The following SND1 variants were observed in gnomAD, a reference collection of about 807,000 sequenced individuals.
The protein encoded by SND1 is staphylococcal nuclease and tudor domain containing 1.
A neutral mutation model predicts 121.7 loss-of-function variants in SND1; 38 were observed. The observed-to-expected ratio is 0.31, with a 90% CI of 0.24 to 0.41. The LOEUF (loss-of-function observed/expected upper bound fraction) is 0.41. Ranked by LOEUF, SND1 falls within the 10% of genes least tolerant of loss-of-function variation. The pLI is 1.00. For synonymous variants in SND1, 401 were observed against 447.4 expected, an observed-to-expected ratio of 0.90 and a Z score of 1.31; for missense variants, 868 against 1,184.6, an observed-to-expected ratio of 0.73 and a Z score of 3.92.
At chr7:128,008,917 G>C (rs954477137) in intron 16 of SND1, among the ~76,000 whole-genome samples, 3 of 152,136 alleles carry the variant, frequency 2.0e-5, no homozygotes, top group African/African-American at 7.2e-5. Flanking sequence ...ACATAGACAT[G>C]AGGGCTATAT....
chr7:127,856,755 G>A (rs1043016518), intron 12 of SND1, among the ~76,000 whole-genome samples: 1 of 152,122 alleles, frequency 6.6e-6, no homozygotes, highest in African/African-American at 2.4e-5. Context: ...CAGTAGCAAT[G>A]GGAACTATAT....
chr7:127,942,803 C>A (rs1212450146), intron 15 of SND1, among the ~76,000 whole-genome samples: 1 of 152,178 alleles, frequency 6.6e-6, no homozygotes, highest in Non-Finnish European at 1.5e-5. Context: ...ATATAATCTT[C>A]ATTCTTCTAA....
Position 127,802,080 on chromosome 7 carries a change from C to T in SND1, c.1153-5404C>T, listed in dbSNP as rs369936856. On this transcript the variant is annotated intron_variant, in intron 10 of 23. Transcript: ENST00000354725. ...CAGGATGGTCTTGATCTCCTGACCT[C>T]ATGATCCACCTTCCTTGGCCTCCCA... 1.1e-4 allele frequency among the ~76,000 whole-genome samples: 17 copies of T among 152,244 alleles called. No homozygotes were observed. In the South Asian group the frequency reaches 3.5e-3, roughly 32 times the overall value.
intron 11 of SND1, among the ~76,000 whole-genome samples, chr7:127,813,389 T>C (rs1201627981): frequency 6.6e-6 from 1 of 152,186 alleles, no homozygotes; most frequent in Non-Finnish European, 1.5e-5. Flanking sequence ...GCAAGGTAGC[T>C]TTCTTCCTGC....
intron 10 of SND1, among the ~76,000 whole-genome samples, chr7:127,763,055 G>A (rs1377882220): frequency 6.6e-6 from 1 of 152,182 alleles, no homozygotes; most frequent in Non-Finnish European, 1.5e-5. Flanking sequence ...GGTAGAAACA[G>A]TCTAAATAGC....
At chr7:127,707,057 T>A (rs1266585257) in intron 8 of SND1, among the ~76,000 whole-genome samples, 1 of 152,242 alleles carries the variant, frequency 6.6e-6, no homozygotes, top group Non-Finnish European at 1.5e-5. Flanking sequence ...CTACATAGGT[T>A]TTTTTAAACT....
intron 12 of SND1, among the ~76,000 whole-genome samples, chr7:127,881,216 C>T (rs79722005): frequency 0.053 from 8,077 of 152,132 alleles, 616 homozygotes; most frequent in African/African-American, 0.17. Flanking sequence ...AAAGAATTAC[C>T]ACATTCCCCA....
intron 8 of SND1, among the ~76,000 whole-genome samples, chr7:127,706,707 A>G (rs549555876): frequency 8.5e-5 from 13 of 152,274 alleles, no homozygotes; most frequent in Non-Finnish European, 1.5e-4. Flanking sequence ...TCCTATTTTG[A>G]TAATATGTGA....
chr7:127,699,061 G>A lies in SND1; in HGVS notation c.428+108G>A, dbSNP rs560624147. The A allele has an allele frequency of 2.2e-5, 18 of 814,708 alleles. No homozygotes were observed. In the African/African-American group the frequency reaches 2.4e-4, roughly 11 times the overall value. 50.5% of individuals were successfully genotyped at this position (814,708 alleles called of 1,614,324 possible). A position where few individuals can be genotyped will look rare whatever the true frequency, so the allele number is the denominator to read the frequency against. On this transcript the variant is annotated intron_variant, in intron 4 of 23. Coordinates refer to ENST00000354725, the MANE Select transcript of SND1 (RefSeq NM_014390.4). ...TAACTGCAGGGGCTTTCACACCTTCGCGGACATTCTTGCCCAGGTATGGAT... is the reference window on the plus strand; with the variant it reads ...TAACTGCAGGGGCTTTCACACCTTCACGGACATTCTTGCCCAGGTATGGAT...
chr7:128,042,618 A>G (rs1248529316), intron 16 of SND1, among the ~76,000 whole-genome samples: 1 of 152,170 alleles, frequency 6.6e-6, no homozygotes, highest in Non-Finnish European at 1.5e-5. Flanking sequence ...TCCCCAAGCA[A>G]GAGCTGTGGT....
intron 10 of SND1, among the ~76,000 whole-genome samples, chr7:127,763,889 G>A (rs2116481929): frequency 6.6e-6 from 1 of 151,928 alleles, no homozygotes; most frequent in East Asian, 1.9e-4. Flanking sequence ...AGCATAGTGA[G>A]ACACTGTCTC....
At chr7:127,828,704 G>C (rs1798686631) in intron 11 of SND1, among the ~76,000 whole-genome samples, 1 of 151,992 alleles carries the variant, frequency 6.6e-6, no homozygotes, top group South Asian at 2.1e-4. Context: ...TGCTTTCTTG[G>C]GCTGGTCTTT....
intron 15 of SND1, among the ~76,000 whole-genome samples, chr7:127,977,113 C>G (rs1000105972): frequency 6.6e-6 from 1 of 152,208 alleles, no homozygotes; most frequent in African/African-American, 2.4e-5. Context: ...TCACTGCGAA[C>G]GCTTCCGGAG....
intron 10 of SND1, among the ~76,000 whole-genome samples, chr7:127,785,484 A>T (rs1313694526): frequency 6.6e-6 from 1 of 152,204 alleles, no homozygotes; most frequent in Non-Finnish European, 1.5e-5. Context: ...TTTAAGAAAT[A>T]CCATCCTTGA....
In SND1 at chr7:127,875,656, T is replaced by G. The variant is rs1290037586; in HGVS notation, c.1344-12246T>G. Reference sequence around the variant, plus strand: ...TACATGTGGCAAGGCTGCAATGTTTTTCTCTTTTTTGGAAGCAATATATAC... The same window carrying G: ...TACATGTGGCAAGGCTGCAATGTTTGTCTCTTTTTTGGAAGCAATATATAC... On this transcript the variant is annotated intron_variant, in intron 12 of 23. Coordinates refer to ENST00000354725, the MANE Select transcript of SND1 (RefSeq NM_014390.4). Among the ~76,000 whole-genome samples, 3 of 152,200 alleles carry G rather than the reference T, an allele frequency of 2.0e-5. No homozygotes were observed. In the South Asian group the frequency reaches 6.2e-4, roughly 32 times the overall value.
chr7:127,754,971 A>T (rs1190561443), intron 10 of SND1, among the ~76,000 whole-genome samples: 1 of 152,230 alleles, frequency 6.6e-6, no homozygotes, highest in Non-Finnish European at 1.5e-5. Flanking sequence ...TTTTAGACCT[A>T]AATAAATTAC....
chr7:127,834,970 C>G (rs1183764095), intron 11 of SND1, among the ~76,000 whole-genome samples: 1 of 152,120 alleles, frequency 6.6e-6, no homozygotes, highest in African/African-American at 2.4e-5. Context: ...GTTTTGCTCA[C>G]CCAAGCAATA....
chr7:127,827,548 C>T (rs1386522980), intron 11 of SND1, among the ~76,000 whole-genome samples: 2 of 152,070 alleles, frequency 1.3e-5, no homozygotes, highest in Non-Finnish European at 2.9e-5. Context: ...ATCTTTCCAC[C>T]GCTCCCCAGC....
intron 4 of SND1, among the ~76,000 whole-genome samples, chr7:127,700,508 C>A (rs1796082925): frequency 6.6e-6 from 1 of 152,104 alleles, no homozygotes; most frequent in Non-Finnish European, 1.5e-5. Flanking sequence ...GCCTTTAGCT[C>A]AGATATAACA....
Sources: allele counts gnomAD v4.1 joint callset (sites outside exome capture counted in the v4.1 genomes callset), GRCh38; gene constraint gnomAD v4.1.1; transcripts MANE v1.5; gene names NCBI Gene and HGNC (gene_info 2026-07-23, HGNC 2026-07-21).